The following IHO1 variants were observed in gnomAD, a reference collection of about 807,000 sequenced individuals.
IHO1 encodes the protein interactor of HORMAD1 1, also known as interactor of HORMAD1 protein 1.
A neutral mutation model predicts 31.0 loss-of-function variants in IHO1; 13 were observed. The ratio of observed to expected loss-of-function variants is 0.42; its 90% confidence interval spans 0.27 to 0.67. The LOEUF is 0.67. IHO1 is among the 30% of genes least tolerant of loss of function. The pLI is 0.24. For missense variants in IHO1, 599 were observed against 687.5 expected, an observed-to-expected ratio of 0.87 and a Z score of 1.44; for synonymous variants, 221 against 248.4, an observed-to-expected ratio of 0.89 and a Z score of 1.04.
chr3:49,212,737 C>T (rs1258163262), intron 2 of IHO1, among the ~76,000 whole-genome samples: 2 of 152,076 alleles, frequency 1.3e-5, no homozygotes, highest in Non-Finnish European at 2.9e-5. Flanking sequence ...GTCTTGCTGG[C>T]TCAGGAGTGA....
At chr3:49,208,889 T>C (rs904631376) in intron 1 of IHO1, among the ~76,000 whole-genome samples, 9 of 152,192 alleles carry the variant, frequency 5.9e-5, no homozygotes, top group East Asian at 1.9e-4. Flanking sequence ...ATGTAAACCA[T>C]TGGAAAACTC....
chr3:49,257,219 G>A lies in IHO1; in HGVS notation c.1722G>A (p.Lys574=), dbSNP rs1575591453. Residue 574 remains lysine, a synonymous_variant, in exon 8 of 8, where the codon AAG becomes AAA. Coordinates refer to ENST00000452691, the MANE Select transcript of IHO1 (RefSeq NM_001135197.2). ...NLGCSETPLC[K]EAGKNLLYDL... is the part of the protein sequence containing the mutation. ...GATGTTCAGAGACCCCTCTATGCAAGGAGGCAGGAAAGAATTTGCTCTATG... is the reference window on the plus strand; with the variant it reads ...GATGTTCAGAGACCCCTCTATGCAAAGAGGCAGGAAAGAATTTGCTCTATG... 6.2e-7 allele frequency: 1 copy of A among 1,614,198 alleles called. No individual in the cohort carries two copies.
chr3:49,239,539 C>G (rs2046602973), intron 3 of IHO1, among the ~76,000 whole-genome samples: 1 of 152,082 alleles, frequency 6.6e-6, no homozygotes, highest in Admixed American at 6.6e-5. Context: ...CTCAGCCTCC[C>G]AAAGTTCTGG....
chr3:49,233,727 G>A lies in IHO1; in HGVS notation c.57-2821G>A, dbSNP rs1412754812. Among the ~76,000 whole-genome samples the A allele has an allele frequency of 2.6e-5, 4 of 152,234 alleles. No homozygotes were observed. The East Asian group carries it at 5.8e-4, about 22-fold the overall frequency. On this transcript the variant is annotated intron_variant, in intron 2 of 7. Transcript: ENST00000452691. ...GGCCCCCAAATCTGGCCATAAACAG[G>A]CCCCAAAACTGGCCATAAACAAAAT...
In IHO1 at chr3:49,242,013, G is replaced by T. The variant is rs190498720; in HGVS notation, c.395+624G>T. Among the ~76,000 whole-genome samples the T allele has an allele frequency of 2.0e-5, 3 of 151,752 alleles. No individual in the cohort carries two copies. The East Asian group carries it at 5.8e-4, about 29-fold the overall frequency. Reference sequence around the variant, plus strand: ...GACTGGAGTGCAATGGCACAATCTCGGCTCACTGAAACATCCGCCTCCTGG... The same window carrying T: ...GACTGGAGTGCAATGGCACAATCTCTGCTCACTGAAACATCCGCCTCCTGG... On this transcript the variant is annotated intron_variant, in intron 4 of 7. Coordinates refer to ENST00000452691, the MANE Select transcript of IHO1 (RefSeq NM_001135197.2).
intron 6 of IHO1, among the ~76,000 whole-genome samples, chr3:49,252,675 G>C (rs1215997374): frequency 6.6e-6 from 1 of 152,098 alleles, no homozygotes; most frequent in Non-Finnish European, 1.5e-5. Flanking sequence ...TCCCGCCTCA[G>C]TGGCTTCCCA....
intron 2 of IHO1, among the ~76,000 whole-genome samples, chr3:49,215,972 C>T (rs1347025517): frequency 6.6e-6 from 1 of 152,176 alleles, no homozygotes. Flanking sequence ...AATCACCCTT[C>T]TCTATCCTGA....
rs372304968 is a variant in IHO1 at position 49,256,806 on chromosome 3, C to A, written c.1309C>A (p.Arg437=). The A allele has an allele frequency of 6.2e-7, 1 of 1,614,148 alleles. No individual in the cohort carries two copies. The highest frequency in any genetic ancestry group is 8.5e-7 in the Non-Finnish European group (1 of 1,180,024). ...IKQKDGTVEM[R]GKDKKQQPRK... ...ACAGAAAGATGGGACTGTAGAAATG[C>A]GGGGGAAAGACAAGAAGCAGCAGCC... Residue 437 remains arginine (R), a synonymous_variant, in exon 8 of 8, where the codon CGG becomes AGG. Coordinates refer to ENST00000452691, the MANE Select transcript of IHO1 (RefSeq NM_001135197.2). This position sits in a 1 kb window ranked among gnomAD's most constrained non-coding sequence, Gnocchi z 4.6.
chr3:49,253,132 G>T (rs1163094041), intron 6 of IHO1, among the ~76,000 whole-genome samples: 2 of 150,648 alleles, frequency 1.3e-5, no homozygotes, highest in African/African-American at 4.9e-5. Context: ...TTCAGATAAA[G>T]GTGTATATTT....
chr3:49,245,759 C>T (rs2046686236), intron 6 of IHO1: 1 of 152,192 alleles, frequency 6.6e-6, no homozygotes, highest in Non-Finnish European at 1.5e-5. Flanking sequence ...GTGGACTGCT[C>T]ATAATTTACA....
In IHO1 at chr3:49,256,450, T is replaced by A; in HGVS notation, c.953T>A (p.Phe318Tyr). Residue 318 changes from phenylalanine to tyrosine, a missense_variant, in exon 8 of 8, where the codon TTT becomes TAT. Phe to Tyr is a conservative substitution (Grantham distance 22). Transcript: ENST00000452691. The surrounding 1 kb of genome is among the most constrained non-coding windows in gnomAD (Gnocchi z 4.6). ...PGMGSLQPGEFDVWGEGAKND... is the reference protein window; with the variant it reads ...PGMGSLQPGEYDVWGEGAKND... Reference sequence around the variant, plus strand: ...ATGGGCTCCCTACAGCCTGGAGAATTTGATGTCTGGGGTGAAGGAGCAAAG... The same window carrying A: ...ATGGGCTCCCTACAGCCTGGAGAATATGATGTCTGGGGTGAAGGAGCAAAG... The A allele has an allele frequency of 2.5e-6, 4 of 1,614,110 alleles. No homozygotes were observed. Among genetic ancestry groups the A allele is most frequent in the Non-Finnish European group, 3.4e-6 (4 of 1,180,018 alleles).
chr3:49,242,602 C>A (rs1295733338), intron 4 of IHO1, among the ~76,000 whole-genome samples: 1 of 152,054 alleles, frequency 6.6e-6, no homozygotes, highest in African/African-American at 2.4e-5. Context: ...CTTTTCAGAT[C>A]ATCAGGATTA....
chr3:49,211,647 A>C, intron 1 of IHO1, 119 bp from the exon 2 acceptor site: 2 of 391,418 alleles, frequency 5.1e-6, no homozygotes, highest in South Asian at 3.9e-5. Flanking sequence ...AGAAATTTTC[A>C]CTAATTGGAT....
chr3:49,221,688 T>C (rs1199147819), intron 2 of IHO1, among the ~76,000 whole-genome samples: 1 of 152,164 alleles, frequency 6.6e-6, no homozygotes, highest in Non-Finnish European at 1.5e-5. Context: ...TTGGTAGAAG[T>C]TGTTAGTTGA....
chr3:49,221,867 C>T (rs1462591650), intron 2 of IHO1, among the ~76,000 whole-genome samples: 1 of 152,236 alleles, frequency 6.6e-6, no homozygotes, highest in African/African-American at 2.4e-5. Flanking sequence ...ACTCCAGAGG[C>T]TGGTATAAGA....
chr3:49,249,276 T>C (rs1225267437), intron 6 of IHO1, among the ~76,000 whole-genome samples: 1 of 128,338 alleles, frequency 7.8e-6, no homozygotes, highest in African/African-American at 2.6e-5. Flanking sequence ...ATGGACAACA[T>C]TTTTTTTTTT....
At chr3:49,246,360 G>A (rs1415559525) in intron 6 of IHO1, among the ~76,000 whole-genome samples, 3 of 149,776 alleles carry the variant, frequency 2.0e-5, no homozygotes, top group Admixed American at 1.3e-4. Context: ...TTAAAACTGG[G>A]TGGGCCGGGC....
chr3:49,193,885 C>T (rs1232406531), upstream of IHO1, among the ~76,000 whole-genome samples: 2 of 151,262 alleles, frequency 1.3e-5, no homozygotes, highest in African/African-American at 4.9e-5. Flanking sequence ...TCGCTTGAAC[C>T]CGGGAGGCAG....
chr3:49,205,766 A>AT (rs71627374), intron 1 of IHO1, among the ~76,000 whole-genome samples: 74,245 of 115,328 alleles, frequency 0.64, 24,673 homozygotes, highest in East Asian at 0.94. Flanking sequence ...CGCCTGGGCA[A>AT]TTTTTTTTTT....
Sources: allele counts gnomAD v4.1 joint callset (sites outside exome capture counted in the v4.1 genomes callset), GRCh38; gene constraint gnomAD v4.1.1; non-coding constraint Gnocchi (gnomAD v3.1); transcripts MANE v1.5; gene names NCBI Gene and HGNC (gene_info 2026-07-23, HGNC 2026-07-21).